The following WWTR1 variants were observed in gnomAD, a reference collection of about 807,000 sequenced individuals.
The protein encoded by WWTR1 is WW domain containing transcription regulator 1, also known as WW domain-containing transcription regulator protein 1.
A neutral mutation model predicts 40.1 loss-of-function variants in WWTR1; 13 were observed. The ratio of observed to expected loss-of-function variants is 0.32; its 90% CI spans 0.21 to 0.52. The LOEUF is 0.52. Ranked by LOEUF, WWTR1 falls within the 20% of genes least tolerant of loss-of-function variation. The pLI is 0.97. For missense variants in WWTR1, 436 were observed against 523.1 expected (o/e 0.83, Z 1.63); for synonymous variants, 230 against 210.1 (o/e 1.09, Z -0.82).
At chr3:149,659,729 T>C (rs1713484924), upstream of WWTR1, 1 of 152,126 alleles carries the variant, frequency 6.6e-6, no homozygotes, top group Non-Finnish European at 1.5e-5. Context: ...AGGCCACTCA[T>C]AGTTTTGCCT....
chr3:149,666,305 G>GC (rs1375873344), intron 2 of WWTR1, among the ~76,000 whole-genome samples: 1 of 152,160 alleles, frequency 6.6e-6, no homozygotes, highest in Non-Finnish European at 1.5e-5. Flanking sequence ...GGAGAAGAGA[G>GC]CCCTCCAAAC....
chr3:149,689,075 C>T (rs1714736827), intron 1 of WWTR1, among the ~76,000 whole-genome samples: 1 of 152,146 alleles, frequency 6.6e-6, no homozygotes, highest in Non-Finnish European at 1.5e-5. Context: ...AGCTTCAAGA[C>T]AGGCTATTTG....
chr3:149,668,424 T>A (rs1489497667), intron 2 of WWTR1, among the ~76,000 whole-genome samples: 1 of 151,948 alleles, frequency 6.6e-6, no homozygotes, highest in Non-Finnish European at 1.5e-5. Context: ...CTGGCCGACA[T>A]GGTGAAACCC....
intron 2 of WWTR1, among the ~76,000 whole-genome samples, chr3:149,667,755 G>A (rs1042464492): frequency 2.6e-5 from 4 of 152,060 alleles, no homozygotes; most frequent in African/African-American, 4.8e-5. Flanking sequence ...GTGGCTGCAC[G>A]TTGTAGTTCT....
chr3:149,588,105 G>A (rs1738514008), intron 2 of WWTR1, among the ~76,000 whole-genome samples: 1 of 152,220 alleles, frequency 6.6e-6, no homozygotes, highest in Non-Finnish European at 1.5e-5. Flanking sequence ...ATTGCCAAGA[G>A]ACTAAGTTCT....
chr3:149,691,410 C>A (rs2108213512), intron 1 of WWTR1, among the ~76,000 whole-genome samples: 2 of 150,780 alleles, frequency 1.3e-5, no homozygotes, highest in East Asian at 2.0e-4. Context: ...ATCAACAAAC[C>A]TTTAGCCAGA....
At chr3:149,540,651 C>G (rs929323661) in intron 4 of WWTR1, among the ~76,000 whole-genome samples, 1 of 152,130 alleles carries the variant, frequency 6.6e-6, no homozygotes, top group Non-Finnish European at 1.5e-5. Context: ...TACTTCCCAT[C>G]AAGAAACATG....
At chr3:149,575,624 AT>A (rs1365965767) in intron 2 of WWTR1, among the ~76,000 whole-genome samples, 3 of 152,196 alleles carry the variant, frequency 2.0e-5, no homozygotes, top group Admixed American at 6.5e-5. Context: ...CGTGGTCAGA[AT>A]TTCAGCTACC....
chr3:149,541,536 T>A (rs1316236415), intron 4 of WWTR1, among the ~76,000 whole-genome samples: 2 of 152,074 alleles, frequency 1.3e-5, no homozygotes, highest in Admixed American at 6.5e-5. Flanking sequence ...TTTTTCATGC[T>A]CTGTGGTGGA....
At chr3:149,651,890 C>T (rs1712892387) in intron 2 of WWTR1, among the ~76,000 whole-genome samples, 2 of 140,806 alleles carry the variant, frequency 1.4e-5, no homozygotes, top group Admixed American at 7.6e-5. Context: ...AGTGCAGTGG[C>T]GCGATCTCGG....
chr3:149,691,057 T>G (rs1200722628), intron 1 of WWTR1, among the ~76,000 whole-genome samples: 2 of 152,056 alleles, frequency 1.3e-5, no homozygotes, highest in Non-Finnish European at 1.5e-5. Context: ...GGCATGGCAT[T>G]GATTGAGAAA....
intron 5 of WWTR1, among the ~76,000 whole-genome samples, chr3:149,711,540 T>C (rs570080443): frequency 1.8e-4 from 28 of 152,330 alleles, no homozygotes; most frequent in Admixed American, 7.8e-4. Flanking sequence ...ATATACAACC[T>C]GATCACTAGT....
chr3:149,611,036 C>T (rs574826628), intron 2 of WWTR1, among the ~76,000 whole-genome samples: 2 of 152,120 alleles, frequency 1.3e-5, no homozygotes, highest in East Asian at 3.9e-4. Flanking sequence ...TGCCTGTGAT[C>T]CCAGCTACTC....
At chr3:149,714,406 T>G (rs549206807) in intron 5 of WWTR1, among the ~76,000 whole-genome samples, 237 of 152,290 alleles carry the variant, frequency 1.6e-3, no homozygotes, top group African/African-American at 4.9e-3. Context: ...GCTCCCAGTG[T>G]CTAGCCTCTC....
intron 1 of WWTR1, among the ~76,000 whole-genome samples, chr3:149,677,089 T>A (rs899104076): frequency 2.0e-5 from 3 of 152,020 alleles, no homozygotes; most frequent in Non-Finnish European, 4.4e-5. Context: ...GCTAATTTTG[T>A]ATTTTTAGGA....
intron 3 of WWTR1, among the ~76,000 whole-genome samples, chr3:149,542,812 C>T (rs1272557731): frequency 1.3e-5 from 2 of 152,130 alleles, no homozygotes; most frequent in African/African-American, 4.8e-5. Context: ...TTAAGCCTTA[C>T]ATAGAACATA....
At chr3:149,571,800 A>G (rs1289365300) in intron 3 of WWTR1, among the ~76,000 whole-genome samples, 4 of 152,196 alleles carry the variant, frequency 2.6e-5, no homozygotes, top group African/African-American at 9.7e-5. Flanking sequence ...TGGATATCTG[A>G]TCTTAAATGG....
At chr3:149,530,733 ATCTGT>A (rs1735534260) in intron 4 of WWTR1, among the ~76,000 whole-genome samples, 1 of 152,088 alleles carries the variant, frequency 6.6e-6, no homozygotes, top group Admixed American at 6.5e-5. Context: ...CATTTGTTCC[ATCTGT>A]TCTAAATCAA....
At chr3:149,588,708 GA>G (rs1051169996) in intron 2 of WWTR1, among the ~76,000 whole-genome samples, 19 of 151,528 alleles carry the variant, frequency 1.3e-4, no homozygotes, top group African/African-American at 4.4e-4. Flanking sequence ...TTTCTAATCA[GA>G]AAAAAAATGA....
Sources: allele counts gnomAD v4.1 joint callset (sites outside exome capture counted in the v4.1 genomes callset), GRCh38; gene constraint gnomAD v4.1.1; transcripts MANE v1.5; gene names NCBI Gene and HGNC (gene_info 2026-07-23, HGNC 2026-07-21).